Variants in SBF2 observed in about 807,000 individuals in gnomAD.
SBF2 encodes the protein myotubularin-related protein 13.
A neutral mutation model predicts 225.2 loss-of-function variants in SBF2; 112 were observed. The ratio of observed to expected loss-of-function variants is 0.50; its 90% confidence interval spans 0.43 to 0.58. The LOEUF (loss-of-function observed/expected upper bound fraction) is 0.58. Ranked by LOEUF, SBF2 falls within the 20% of genes least tolerant of loss-of-function variation. SBF2 has a pLI of 0.00. For missense variants in SBF2, 1,996 were observed against 2,206.2 expected (o/e 0.90, Z 1.91); for synonymous variants, 763 against 773.3 (o/e 0.99, Z 0.22).
chr11:9,933,710 A>G (rs1191177561), intron 16 of SBF2, among the ~76,000 whole-genome samples: 1 of 152,254 alleles, frequency 6.6e-6, no homozygotes, highest in Non-Finnish European at 1.5e-5. Context: ...GAAAGCAGGG[A>G]AGATCCAAAA....
chr11:10,098,309 G>A (rs192235029), intron 2 of SBF2, among the ~76,000 whole-genome samples: 1 of 151,890 alleles, frequency 6.6e-6, no homozygotes, highest in African/African-American at 2.4e-5. Flanking sequence ...CCTGAAAAAG[G>A]GAAGAAGTAG....
rs1030846883 is a variant in SBF2, at chr11:10,015,713, A to G, written c.619+12739T>C. 2.2e-4 allele frequency among the ~76,000 whole-genome samples: 33 copies of G among 152,368 alleles called. 2 individuals are homozygous for G. The highest frequency in any genetic ancestry group is 2.0e-3 in the Admixed American group (30 of 15,308). On this transcript the variant is annotated intron_variant, in intron 6 of 39. Coordinates refer to ENST00000256190, the MANE Select transcript of SBF2 (RefSeq NM_030962.4). ...AGCAAATGGCATTAACAGACCTACAAGTAATTTGGCCAAAGACAAATTTAT... is the reference window on the plus strand; with the variant it reads ...AGCAAATGGCATTAACAGACCTACAGGTAATTTGGCCAAAGACAAATTTAT...
At chr11:10,261,595 C>T (rs969289080) in intron 1 of SBF2, among the ~76,000 whole-genome samples, 3 of 152,130 alleles carry the variant, frequency 2.0e-5, no homozygotes, top group Non-Finnish European at 4.4e-5. Context: ...TAAGCATACA[C>T]CCACCTATAA....
intron 2 of SBF2, among the ~76,000 whole-genome samples, chr11:10,109,364 G>A (rs1288906749): frequency 1.3e-5 from 2 of 152,206 alleles, no homozygotes; most frequent in Non-Finnish European, 2.9e-5. Flanking sequence ...AGTGTATTGA[G>A]TTTAATTCAC....
intron 16 of SBF2, among the ~76,000 whole-genome samples, chr11:9,949,632 C>CT: frequency 6.6e-6 from 1 of 152,036 alleles, no homozygotes; most frequent in Non-Finnish European, 1.5e-5. Context: ...TGACGCTTTA[C>CT]TTTTTTAATG....
At chr11:10,273,646 T>C (rs1307837212) in intron 1 of SBF2, among the ~76,000 whole-genome samples, 1 of 152,240 alleles carries the variant, frequency 6.6e-6, no homozygotes, top group Non-Finnish European at 1.5e-5. Context: ...CACACTGCTG[T>C]ATGTGTGTAT....
At chr11:10,166,583 T>C (rs1395788126) in intron 2 of SBF2, among the ~76,000 whole-genome samples, 1 of 152,122 alleles carries the variant, frequency 6.6e-6, no homozygotes, top group African/African-American at 2.4e-5. Flanking sequence ...ATGAATTGTG[T>C]TAAAAGAACA....
At chr11:9,883,750 T>C (rs1417531389) in intron 17 of SBF2, among the ~76,000 whole-genome samples, 1 of 152,196 alleles carries the variant, frequency 6.6e-6, no homozygotes, top group East Asian at 1.9e-4. Context: ...GAATAAATAC[T>C]TTTGATTTGA....
intron 2 of SBF2, among the ~76,000 whole-genome samples, chr11:10,149,731 ACT>A (rs1359851214): frequency 6.6e-6 from 1 of 152,084 alleles, no homozygotes; most frequent in Non-Finnish European, 1.5e-5. Flanking sequence ...AGGGTAAGTA[ACT>A]CTCTCTGCTG....
chr11:10,192,215 G>A (rs1051360034), intron 2 of SBF2, among the ~76,000 whole-genome samples: 1 of 152,076 alleles, frequency 6.6e-6, no homozygotes, highest in South Asian at 2.1e-4. Flanking sequence ...GGAATGCAAA[G>A]GGCTTTCCAA....
chr11:10,043,003 A>G, intron 2 of SBF2, 22 bp from the exon 3 acceptor site: 1 of 1,610,084 alleles, frequency 6.2e-7, no homozygotes, highest in East Asian at 2.2e-5. Context: ...AGAAAAAAAA[A>G]TGTAACATTT....
intron 2 of SBF2, among the ~76,000 whole-genome samples, chr11:10,090,535 C>A (rs919809772): frequency 1.3e-5 from 2 of 151,896 alleles, no homozygotes; most frequent in Non-Finnish European, 2.9e-5. Flanking sequence ...GAGGCTGAGG[C>A]GGGCAAATCA....
chr11:9,864,904 C>T (rs374881954), intron 17 of SBF2, among the ~76,000 whole-genome samples: 1 of 151,926 alleles, frequency 6.6e-6, no homozygotes, highest in Non-Finnish European at 1.5e-5. Flanking sequence ...CCATTTTTGG[C>T]CAGTTTTTAT....
intron 1 of SBF2, among the ~76,000 whole-genome samples, chr11:10,231,453 TC>T (rs1387251841): frequency 1.3e-5 from 2 of 152,150 alleles, no homozygotes; most frequent in African/African-American, 4.8e-5. Context: ...CTACCTTTGG[TC>T]TTTGACAATG....
chr11:10,272,382 A>G lies in SBF2; in HGVS notation c.55+21633T>C, dbSNP rs1962561868. The G allele has an allele frequency of 1.8e-5, 9 of 509,126 alleles. 3 individuals carry two copies. In the South Asian group the frequency reaches 2.6e-4, roughly 14 times the overall value. 31.5% of individuals were successfully genotyped at this position (509,126 alleles called of 1,614,324 possible). A position where few individuals can be genotyped will look rare whatever the true frequency, so the allele number is the denominator to read the frequency against. Reference sequence around the variant, plus strand: ...ACCAGTTACTCACACAATTTCCTTAAGTCTTGCAACAATTTCTTCAATAAC... The same window carrying G: ...ACCAGTTACTCACACAATTTCCTTAGGTCTTGCAACAATTTCTTCAATAAC... On this transcript the variant is annotated intron_variant, in intron 1 of 39. Coordinates refer to ENST00000256190, the MANE Select transcript of SBF2 (RefSeq NM_030962.4).
chr11:10,074,830 T>C (rs1951032614), intron 2 of SBF2, among the ~76,000 whole-genome samples: 1 of 152,130 alleles, frequency 6.6e-6, no homozygotes, highest in African/African-American at 2.4e-5. Context: ...GTCAATTTTG[T>C]TTACACATAT....
At chr11:9,867,856 T>C (rs61876914) in intron 17 of SBF2, among the ~76,000 whole-genome samples, 41,714 of 152,028 alleles carry the variant, frequency 0.27, 6,501 homozygotes, top group Non-Finnish European at 0.36. Flanking sequence ...TCCAAGAAGC[T>C]GGGAAGGGCT....
At chr11:9,999,025 A>T (rs1259039512) in intron 8 of SBF2, among the ~76,000 whole-genome samples, 2 of 152,224 alleles carry the variant, frequency 1.3e-5, no homozygotes, top group Non-Finnish European at 2.9e-5. Context: ...TATACATCAA[A>T]AGGGTGCTGT....
intron 16 of SBF2, among the ~76,000 whole-genome samples, chr11:9,908,868 T>G (rs1590402383): frequency 1.7e-5 from 2 of 119,592 alleles, no homozygotes; most frequent in South Asian, 2.7e-4. Context: ...TTTTTTTTTT[T>G]GTAAAGATGA....
Sources: gnomAD v4.1 joint callset for allele counts (sites outside exome capture counted in the v4.1 genomes callset) on GRCh38, gnomAD v4.1.1 for gene constraint, MANE v1.5 for transcripts, NCBI Gene and HGNC (gene_info 2026-07-23, HGNC 2026-07-21) for gene names.